The following NEDD9 variants were observed in gnomAD, a reference collection of about 807,000 sequenced individuals.
NEDD9 encodes the protein neural precursor cell expressed, developmentally down-regulated 9.
In NEDD9, 26 loss-of-function variants were observed where a neutral mutation model predicts 76.6. The observed-to-expected ratio is 0.34, with a 90% CI of 0.25 to 0.47. NEDD9 has a LOEUF of 0.47. Ranked by LOEUF, NEDD9 falls within the 20% of genes least tolerant of loss-of-function variation. NEDD9 has a pLI of 1.00. For missense variants in NEDD9, 937 were observed against 1,058.5 expected (o/e 0.89, Z 1.59); for synonymous variants, 392 against 414.2 (o/e 0.95, Z 0.65).
At chr6:11,262,375 GCTCTC>G (rs1168719480) in intron 3 of NEDD9, among the ~76,000 whole-genome samples, 1 of 152,192 alleles carries the variant, frequency 6.6e-6, no homozygotes, top group African/African-American at 2.4e-5. Context: ...CTGAACATTT[GCTCTC>G]CTTACCACCC....
At chr6:11,326,401 C>T (rs186782616) in intron 2 of NEDD9, among the ~76,000 whole-genome samples, 1 of 152,210 alleles carries the variant, frequency 6.6e-6, no homozygotes, top group East Asian at 1.9e-4. Context: ...ACTGATCTAC[C>T]AATTAAACAC....
chr6:11,339,897 T>C (rs985084557), intron 1 of NEDD9, among the ~76,000 whole-genome samples: 1 of 152,234 alleles, frequency 6.6e-6, no homozygotes, highest in African/African-American at 2.4e-5. Context: ...AATAAAGCCA[T>C]TCAGCTGTAC....
chr6:11,305,418 C>A (rs1369942422), intron 3 of NEDD9: 2 of 228,752 alleles, frequency 8.7e-6, no homozygotes, highest in African/African-American at 2.3e-5. Context: ...TGCGATGATG[C>A]CTGCCTCTTT....
At chr6:11,348,475 G>GCAATC (rs1213188727) in intron 1 of NEDD9, among the ~76,000 whole-genome samples, 2 of 152,122 alleles carry the variant, frequency 1.3e-5, no homozygotes, top group African/African-American at 2.4e-5. Context: ...AATTGCCAAA[G>GCAATC]CAATCCTAAG....
chr6:11,240,795 G>C (rs1171123804), intron 3 of NEDD9, among the ~76,000 whole-genome samples: 1 of 152,190 alleles, frequency 6.6e-6, no homozygotes, highest in Non-Finnish European at 1.5e-5. Context: ...TTAACTTAAA[G>C]GTGAAGTGAT....
At chr6:11,359,995 T>C (rs1222447264) in intron 1 of NEDD9, among the ~76,000 whole-genome samples, 1 of 152,204 alleles carries the variant, frequency 6.6e-6, no homozygotes, top group Non-Finnish European at 1.5e-5. Flanking sequence ...AGGAGGATGT[T>C]TGATGAGCAG....
chr6:11,344,070 A>T (rs1207331243), intron 1 of NEDD9, among the ~76,000 whole-genome samples: 1 of 152,214 alleles, frequency 6.6e-6, no homozygotes, highest in Non-Finnish European at 1.5e-5. Context: ...GCTATCTATC[A>T]CCAAGCAATC....
rs1458870227 is a variant in NEDD9 at position 11,198,888 on chromosome 6, A to G, written c.460-5196T>C. 1 of 152,268 alleles carries G rather than the reference A, an allele frequency of 6.6e-6. No homozygotes were observed. 9.4% of individuals were successfully genotyped at this position (152,268 alleles called of 1,614,324 possible). A position where few individuals can be genotyped will look rare whatever the true frequency, so the allele number is the denominator to read the frequency against. ...CAGAACAGTGCCCTATCAGCCATGC[A>G]TGGTAGTGTTGGGCAAGAGAGGGAT... On this transcript the variant is annotated intron_variant, in intron 2 of 6. Transcript: ENST00000379446. The surrounding 1 kb of genome is among the most constrained non-coding windows in gnomAD (Gnocchi z 4.7).
intron 1 of NEDD9, among the ~76,000 whole-genome samples, chr6:11,361,322 C>G (rs115132276): frequency 1.3e-5 from 2 of 152,100 alleles, no homozygotes; most frequent in African/African-American, 4.8e-5. Flanking sequence ...AATTGGCTCA[C>G]GGTTCTGCAG....
Position 11,241,184 on chromosome 6 carries a change from G to T in NEDD9, c.13-27457C>A, listed in dbSNP as rs1262682955. ...AGAGTGGCCGTCTCCTCTTTCCGGA[G>T]GCACTGCCCAAACACAATCATCTTG... On this transcript the variant is annotated intron_variant, in intron 3 of 3. Coordinates refer to the NEDD9 transcript ENST00000397378. The surrounding 1 kb of genome is among the most constrained non-coding windows in gnomAD (Gnocchi z 4.0). Among the ~76,000 whole-genome samples the T allele has an allele frequency of 6.6e-6, 1 of 152,128 alleles. No individual in the cohort carries two copies. The highest frequency in any genetic ancestry group is 1.5e-5 in the Non-Finnish European group (1 of 68,024).
intron 2 of NEDD9, among the ~76,000 whole-genome samples, chr6:11,327,501 C>A (rs549791795): frequency 3.9e-5 from 6 of 152,290 alleles, no homozygotes; most frequent in Admixed American, 2.6e-4. Context: ...TTTTGAGTCC[C>A]CTCCAGTATC....
intron 3 of NEDD9, chr6:11,271,550 C>T (rs184563466): frequency 6.6e-6 from 1 of 152,338 alleles, no homozygotes; most frequent in East Asian, 1.9e-4. Flanking sequence ...GTCTAAGCAG[C>T]TACAAGGGCC....
intron 4 of NEDD9, among the ~76,000 whole-genome samples, chr6:11,191,589 A>G (rs1051855994): frequency 2.0e-5 from 3 of 152,144 alleles, no homozygotes; most frequent in Non-Finnish European, 4.4e-5. Context: ...TGAGCTGCAT[A>G]GGCGTCTGAA....
At position 11,245,652 on chromosome 6, in the gene NEDD9, C is replaced by T. The variant is rs181394589; in HGVS notation, c.13-31925G>A. Among the ~76,000 whole-genome samples the T allele has an allele frequency of 3.9e-5, 6 of 152,222 alleles. No individual in the cohort carries two copies. In the East Asian group the frequency reaches 7.7e-4, roughly 20 times the overall value. ...TTGCGTTGGGGGAAAAAAATCACAC[C>T]GTAAAGTTATGTAAGTTTCTATTTT... On this transcript the variant is annotated intron_variant, in intron 3 of 3. Coordinates refer to the NEDD9 transcript ENST00000397378.
chr6:11,255,518 G>A (rs1759986852), intron 3 of NEDD9, among the ~76,000 whole-genome samples: 2 of 152,146 alleles, frequency 1.3e-5, no homozygotes, highest in African/African-American at 4.8e-5. Flanking sequence ...GGTGGTGGGG[G>A]CCTGGGAGGA....
chr6:11,348,561 A>G (rs1436180610), intron 1 of NEDD9, among the ~76,000 whole-genome samples: 1 of 152,170 alleles, frequency 6.6e-6, no homozygotes, highest in Non-Finnish European at 1.5e-5. Context: ...CCAAAACAGC[A>G]TGGTACAAAA....
intron 3 of NEDD9, among the ~76,000 whole-genome samples, chr6:11,256,661 G>T (rs139969705): frequency 6.6e-6 from 1 of 151,972 alleles, no homozygotes; most frequent in African/African-American, 2.4e-5. Flanking sequence ...ACAGGGTTTC[G>T]CCATGTTGCC....
At chr6:11,242,894 G>A (rs1581979655) in intron 3 of NEDD9, among the ~76,000 whole-genome samples, 1 of 152,214 alleles carries the variant, frequency 6.6e-6, no homozygotes, top group African/African-American at 2.4e-5. Context: ...ATCCATGGCT[G>A]TGTCCCATGA....
At chr6:11,354,867 C>T (rs896392619) in intron 1 of NEDD9, among the ~76,000 whole-genome samples, 3 of 152,022 alleles carry the variant, frequency 2.0e-5, no homozygotes, top group African/African-American at 2.4e-5. Flanking sequence ...GACAAGATGC[C>T]GTCAGCTGGG....
Sources: allele counts gnomAD v4.1 joint callset (sites outside exome capture counted in the v4.1 genomes callset), GRCh38; gene constraint gnomAD v4.1.1; non-coding constraint Gnocchi (gnomAD v3.1); transcripts MANE v1.5; gene names NCBI Gene and HGNC (gene_info 2026-07-23, HGNC 2026-07-21).